Variants in MAMDC2 observed in about 807,000 individuals in gnomAD.
The protein encoded by MAMDC2 is MAM domain-containing protein 2.
Under a neutral mutation model 89.8 loss-of-function variants are expected in MAMDC2, and 57 were observed. The ratio of observed to expected loss-of-function variants is 0.63; its 90% CI spans 0.51 to 0.79. The LOEUF (loss-of-function observed/expected upper bound fraction) is 0.79, where lower values mean the gene tolerates loss of function less well. Among genes scored for constraint, MAMDC2 ranks in the 30% least tolerant of loss-of-function variants. The pLI is 0.00. For missense variants in MAMDC2, 800 were observed against 820.6 expected, an observed-to-expected ratio of 0.97 and a Z score of 0.31; for synonymous variants, 313 against 293.4, an observed-to-expected ratio of 1.07 and a Z score of -0.68.
chr9:70,205,994 C>T (rs1247032875), intron 11 of MAMDC2, among the ~76,000 whole-genome samples: 1 of 151,832 alleles, frequency 6.6e-6, no homozygotes, highest in Non-Finnish European at 1.5e-5. Context: ...GAAAAAAATA[C>T]TTGTCATCAA....
intron 11 of MAMDC2, among the ~76,000 whole-genome samples, chr9:70,210,349 T>A (rs928963499): frequency 6.6e-6 from 1 of 152,044 alleles, no homozygotes; most frequent in Non-Finnish European, 1.5e-5. Context: ...TTTAGGATAG[T>A]TAGTTCTTGT....
At chr9:70,179,480 T>TGC in intron 11 of MAMDC2, among the ~76,000 whole-genome samples, 1 of 150,300 alleles carries the variant, frequency 6.7e-6, no homozygotes, top group East Asian at 2.0e-4. Flanking sequence ...GCCGAGATCA[T>TGC]GCCACTGCAC....
chr9:70,078,775 A>C (rs1048100259), intron 2 of MAMDC2, among the ~76,000 whole-genome samples: 5 of 152,150 alleles, frequency 3.3e-5, no homozygotes, highest in South Asian at 4.1e-4. Context: ...GCGTTCCTCC[A>C]ATGAAAATTC....
chr9:70,225,053 TG>T (rs1359924478), intron 12 of MAMDC2, among the ~76,000 whole-genome samples: 1 of 152,168 alleles, frequency 6.6e-6, no homozygotes, highest in Non-Finnish European at 1.5e-5. Context: ...TCATTACCCA[TG>T]GGCCTCCCTG....
chr9:70,225,287 C>T (rs901313486), intron 12 of MAMDC2, among the ~76,000 whole-genome samples: 1 of 152,156 alleles, frequency 6.6e-6, no homozygotes, highest in African/African-American at 2.4e-5. Flanking sequence ...TTTCTGTTCA[C>T]ACATGGGTAT....
At chr9:70,145,993 C>G (rs1420121205) in intron 9 of MAMDC2, among the ~76,000 whole-genome samples, 1 of 152,148 alleles carries the variant, frequency 6.6e-6, no homozygotes, top group Non-Finnish European at 1.5e-5. Context: ...AATAGAGACC[C>G]AGCTGAGCCA....
chr9:70,179,554 T>TAAAAA (rs2032589051), intron 11 of MAMDC2, among the ~76,000 whole-genome samples: 1 of 120,334 alleles, frequency 8.3e-6, no homozygotes, highest in Admixed American at 8.3e-5. Flanking sequence ...TAAATAAAAA[T>TAAAAA]AAAATAAAAT....
At chr9:70,048,838 A>G (rs374142468) in intron 2 of MAMDC2, among the ~76,000 whole-genome samples, 6 of 152,296 alleles carry the variant, frequency 3.9e-5, no homozygotes, top group East Asian at 3.9e-4. Flanking sequence ...CAAAAGAATC[A>G]TTGAGTGGAT....
At chr9:70,112,926 T>A in intron 4 of MAMDC2, 69 bp from the exon 5 acceptor site, 3 of 1,582,520 alleles carry the variant, frequency 1.9e-6, no homozygotes, top group Non-Finnish European at 2.6e-6. Flanking sequence ...AAGAGCAAAC[T>A]CTGTAGTAGG....
At position 70,058,798 on chromosome 9, in the gene MAMDC2, C is replaced by T. The variant is rs72709201; in HGVS notation, c.148+14101C>T. ...GAAACATTAGTTCTTCTAGGTTCTC[C>T]CATACACAGGGAGAATTGAATTCGT... is the stretch of plus-strand genomic sequence containing the variant. On this transcript the variant is annotated intron_variant, in intron 2 of 13. Coordinates refer to ENST00000377182, the MANE Select transcript of MAMDC2 (RefSeq NM_153267.5). 1.8e-3 allele frequency among the ~76,000 whole-genome samples: 267 copies of T among 152,268 alleles called. 1 individual carries two copies. The highest frequency in any genetic ancestry group is 3.2e-3 in the Non-Finnish European group (217 of 68,022).
intron 11 of MAMDC2, among the ~76,000 whole-genome samples, chr9:70,172,325 C>A (rs1031841288): frequency 6.6e-6 from 1 of 152,182 alleles, no homozygotes; most frequent in Non-Finnish European, 1.5e-5. Context: ...CCCTCATCTT[C>A]ATGACTTTTT....
chr9:70,198,218 G>A, intron 11 of MAMDC2, among the ~76,000 whole-genome samples: 1 of 148,736 alleles, frequency 6.7e-6, no homozygotes, highest in African/African-American at 2.5e-5. Flanking sequence ...ATATAATAAA[G>A]TTTAATTTAC....
At chr9:70,067,199 G>A (rs887058326) in intron 2 of MAMDC2, among the ~76,000 whole-genome samples, 115 of 152,288 alleles carry the variant, frequency 7.6e-4, no homozygotes, top group African/African-American at 2.7e-3. Flanking sequence ...TCCAGAAAAA[G>A]GCATGTGATC....
At chr9:70,122,378 T>C (rs1002163673) in intron 5 of MAMDC2, among the ~76,000 whole-genome samples, 1 of 152,214 alleles carries the variant, frequency 6.6e-6, no homozygotes, top group Admixed American at 6.5e-5. Context: ...CACAAAATAT[T>C]GTCCACACAG....
chr9:70,098,524 T>A (rs1245752097), intron 2 of MAMDC2, among the ~76,000 whole-genome samples: 1 of 152,240 alleles, frequency 6.6e-6, no homozygotes, highest in African/African-American at 2.4e-5. Flanking sequence ...TTTGAGGCAC[T>A]GCAGTAGAAA....
chr9:70,149,273 C>A (rs893675241), intron 9 of MAMDC2, among the ~76,000 whole-genome samples: 7 of 151,188 alleles, frequency 4.6e-5, no homozygotes, highest in African/African-American at 9.7e-5. Flanking sequence ...CCAAGTGTTA[C>A]CTCAAACCAG....
chr9:70,108,464 C>T lies in MAMDC2; in HGVS notation c.402C>T (p.Asn134=), dbSNP rs115193308. ...SWLIASLDLQ[N]SSKKFKILIE... ...TCATAGCCAGCTTGGATTTGCAAAA[C>T]AGTTCCAAGAAATTCAAGGTAGGTG... Residue 134 remains asparagine (N), a synonymous_variant, in exon 3 of 14, where the codon AAC becomes AAT. Coordinates refer to ENST00000377182, the MANE Select transcript of MAMDC2 (RefSeq NM_153267.5). 2,312 of 1,600,062 alleles carry T rather than the reference C, an allele frequency of 1.4e-3. 28 individuals carry two copies. The African/African-American group carries it at 0.027, about 19-fold the overall frequency.
Position 70,108,344 on chromosome 9 carries a change from G to A in MAMDC2, c.282G>A (p.Leu94=). ...AGATAACCACATCTTCGGAGTCTCT[G>A]TCAGATCCCAGCCAGCTGAACCTCT... ...VYQITTSSES[L]SDPSQLNLYM... Residue 94 remains leucine (L), a synonymous_variant, in exon 3 of 14, where the codon CTG becomes CTA. Transcript: ENST00000377182. 6.8e-6 allele frequency: 11 copies of A among 1,614,098 alleles called. No individual in the cohort carries two copies. Among genetic ancestry groups the A allele is most frequent in the Middle Eastern group, 1.6e-4 (1 of 6,062 alleles).
chr9:70,160,038 C>G (rs548569385), intron 9 of MAMDC2, among the ~76,000 whole-genome samples: 6 of 152,000 alleles, frequency 3.9e-5, no homozygotes, highest in African/African-American at 1.4e-4. Context: ...ATGGTAAGAC[C>G]CTGTCTCTAC....
Sources: gnomAD v4.1 joint callset for allele counts (sites outside exome capture counted in the v4.1 genomes callset) on GRCh38, gnomAD v4.1.1 for gene constraint, MANE v1.5 for transcripts, NCBI Gene and HGNC (gene_info 2026-07-23, HGNC 2026-07-21) for gene names.